The following EIF4B variants were observed in gnomAD, a reference collection of about 807,000 sequenced individuals.
EIF4B encodes eukaryotic translation initiation factor 4B.
In EIF4B, 8 loss-of-function variants were observed where a neutral mutation model predicts 79.3. The observed-to-expected ratio is 0.10, with a 90% confidence interval of 0.06 to 0.18. The LOEUF (loss-of-function observed/expected upper bound fraction) is 0.18. Among genes scored for constraint, EIF4B ranks in the 10% least tolerant of loss-of-function variants. The pLI, the probability that EIF4B is intolerant of heterozygous loss-of-function variation, is 1.00. For synonymous variants in EIF4B, 238 were observed against 274.7 expected, an observed-to-expected ratio of 0.87 and a Z score of 1.32; for missense variants, 515 against 792.4, an observed-to-expected ratio of 0.65 and a Z score of 4.20.
In EIF4B at chr12:53,022,516, C is replaced by A; in HGVS notation, c.556C>A (p.Arg186Ser). Residue 186 changes from arginine (R) to serine (S), a missense_variant, in exon 6 of 15, where the codon CGT becomes AGT. By Grantham distance (110) the Arg-to-Ser change is moderately radical. Around this residue, in one of 6 missense-constraint regions of EIF4B, gnomAD observed 187 missense variants for 256.5 expected, o/e 0.73. Coordinates refer to ENST00000262056, the MANE Select transcript of EIF4B (RefSeq NM_001417.7). ...AGACAGGGATGATCGTTCTTTTGGCCGTGATAGAAATCGGGATTCTGACAA... is the reference window on the plus strand; with the variant it reads ...AGACAGGGATGATCGTTCTTTTGGCAGTGATAGAAATCGGGATTCTGACAA... ...DKDRDDRSFG[R>S]DRNRDSDKTD... 6.2e-7 allele frequency: 1 copy of A among 1,612,976 alleles called. No individual in the cohort carries two copies. Among genetic ancestry groups the A allele is most frequent in the Non-Finnish European group, 8.5e-7 (1 of 1,179,842 alleles).
intron 1 of EIF4B, among the ~76,000 whole-genome samples, chr12:53,015,213 C>T (rs1943129489): frequency 6.6e-6 from 1 of 152,142 alleles, no homozygotes; most frequent in Admixed American, 6.6e-5. Context: ...GATAACCTGA[C>T]ATAGAATAAG....
Position 53,017,053 on chromosome 12 carries a change from G to T in EIF4B, c.151+443G>T, listed in dbSNP as rs779366413. Among the ~76,000 whole-genome samples, 4 of 152,142 alleles carry T rather than the reference G, an allele frequency of 2.6e-5. No individual in the cohort carries two copies. The South Asian group carries it at 8.3e-4, about 31-fold the overall frequency. On this transcript the variant is annotated intron_variant, in intron 2 of 14. Transcript: ENST00000262056. The stretch of plus-strand genomic sequence containing the variant: ...AGATCACATGAGATGAGAAGTTCAA[G>T]ACCAGCCTGGCCAACATGGTGAAAA...
At position 53,022,636 on chromosome 12, in the gene EIF4B, G is replaced by GT; in HGVS notation, c.667+14dup. The GT allele has an allele frequency of 6.2e-7, 1 of 1,612,576 alleles. No homozygotes were observed. The highest frequency in any genetic ancestry group is 8.5e-7 in the Non-Finnish European group (1 of 1,179,332). ...TGATAGCTTTGGAGACAGTAAGTTT[G>GT]TTTTTATGAAGTTAGCTTCCTCTGT... On this transcript the variant is annotated intron_variant, in intron 6 of 14. Transcript: ENST00000262056.
intron 1 of EIF4B, among the ~76,000 whole-genome samples, chr12:53,014,206 G>C (rs1478244481): frequency 1.3e-5 from 2 of 151,630 alleles, no homozygotes; most frequent in East Asian, 3.9e-4. Context: ...CTAATCACGA[G>C]GTCAGGAGAT....
Position 53,039,665 on chromosome 12 carries a change from C to T in EIF4B, c.1718C>T (p.Ala573Val). 2 of 1,613,808 alleles carry T rather than the reference C, an allele frequency of 1.2e-6. No homozygotes were observed. Among genetic ancestry groups the T allele is most frequent in the Non-Finnish European group, 1.7e-6 (2 of 1,179,818 alleles). The change falls in exon 14 of 15, where the codon GCA becomes GTA. Residue 573 changes from alanine (A) to valine (V), a missense_variant. Coordinates refer to ENST00000262056, the MANE Select transcript of EIF4B (RefSeq NM_001417.7). Reference sequence around the variant, plus strand: ...AAAAAGGATCAAGACTCCAGATCTGCACCTGAGCCAAAGAAACCTGAGGAA... The same window carrying T: ...AAAAAGGATCAAGACTCCAGATCTGTACCTGAGCCAAAGAAACCTGAGGAA... Reference protein sequence around the residue: ...DGKKDQDSRSAPEPKKPEENP... With the variant: ...DGKKDQDSRSVPEPKKPEENP...
chr12:53,014,330 T>C (rs1943114118), intron 1 of EIF4B, among the ~76,000 whole-genome samples: 2 of 151,736 alleles, frequency 1.3e-5, no homozygotes, highest in Admixed American at 1.3e-4. Context: ...GAGAAATTGC[T>C]TGAACCTGGG....
chr12:53,014,145 AAGC>A (rs939425359), intron 1 of EIF4B, among the ~76,000 whole-genome samples: 2 of 151,796 alleles, frequency 1.3e-5, no homozygotes, highest in African/African-American at 4.8e-5. Context: ...AAAAAAGAAA[AAGC>A]AGGCCGGGCG....
chr12:53,023,843 A>G (rs1201743551), intron 6 of EIF4B, among the ~76,000 whole-genome samples: 1 of 151,992 alleles, frequency 6.6e-6, no homozygotes, highest in Non-Finnish European at 1.5e-5. Context: ...TCAGCCTCCC[A>G]AAGTGCTGGG....
chr12:53,022,915 A>G (rs10876396), intron 6 of EIF4B, among the ~76,000 whole-genome samples: 29,110 of 152,082 alleles, frequency 0.19, 4,203 homozygotes, highest in East Asian at 0.53. Flanking sequence ...TATAATCCCA[A>G]CGCTTTGGGA....
chr12:53,030,410 A>ATTATTTTTTTTTTTTTTTTTTT (rs1555153412), intron 8 of EIF4B, among the ~76,000 whole-genome samples: 1 of 34,256 alleles, frequency 2.9e-5, no homozygotes, highest in Non-Finnish European at 9.3e-5. Flanking sequence ...AAAAAATTAT[A>ATTATTTTTTTTTTTTTTTTTTT]TTCTTTTTTT....
chr12:53,019,443 T>TTC lies in EIF4B; in HGVS notation c.360+438_360+439insCT, dbSNP rs1943207265. Among the ~76,000 whole-genome samples, 131 of 94,368 alleles carry TTC rather than the reference T, an allele frequency of 1.4e-3. 1 individual carries two copies. Among genetic ancestry groups the TTC allele is most frequent in the Non-Finnish European group, 2.3e-3 (108 of 47,524 alleles). The allele number at this position is 94,368 out of a possible 152,430, so 61.9% of individuals were successfully genotyped here. A position where few individuals can be genotyped will look rare whatever the true frequency, so the allele number is the denominator to read the frequency against. ...CAAAATTATATATATATATATTTTT[T>TTC]TTTTTTCTTTTTTTTTTTTTTTTTT... On this transcript the variant is annotated intron_variant, in intron 3 of 14. Coordinates refer to ENST00000262056, the MANE Select transcript of EIF4B (RefSeq NM_001417.7).
At chr12:53,031,578 C>T (rs1409049886) in intron 8 of EIF4B, among the ~76,000 whole-genome samples, 2 of 152,140 alleles carry the variant, frequency 1.3e-5, no homozygotes, top group Admixed American at 1.3e-4. Flanking sequence ...TGCCCGGCTG[C>T]GTTCTTTTAT....
chr12:53,014,296 C>T (rs1943113737), intron 1 of EIF4B, among the ~76,000 whole-genome samples: 1 of 151,666 alleles, frequency 6.6e-6, no homozygotes, highest in Admixed American at 6.6e-5. Context: ...CCTGTAGTCC[C>T]AGCCACTTGG....
chr12:53,036,391 C>T (rs1242339353), intron 10 of EIF4B, among the ~76,000 whole-genome samples: 2 of 152,036 alleles, frequency 1.3e-5, no homozygotes, highest in Admixed American at 6.5e-5. Flanking sequence ...GGATTACGGG[C>T]GTGAGCCGCC....
At chr12:53,025,839 G>A (rs914554125) in intron 6 of EIF4B, among the ~76,000 whole-genome samples, 1 of 152,138 alleles carries the variant, frequency 6.6e-6, no homozygotes, top group African/African-American at 2.4e-5. Context: ...CGGGCATGGT[G>A]GCTCACGCCT....
chr12:53,040,099 T>C (rs1376639641), intron 14 of EIF4B, 44 bp from the exon 15 acceptor site: 1 of 1,609,596 alleles, frequency 6.2e-7, no homozygotes, highest in Non-Finnish European at 8.5e-7. Flanking sequence ...TTTGATGTGA[T>C]AATTCAGGGC....
chr12:53,009,578 C>A (rs369523784), intron 1 of EIF4B, among the ~76,000 whole-genome samples: 8 of 152,114 alleles, frequency 5.3e-5, no homozygotes, highest in South Asian at 2.1e-4. Context: ...CATAATGCTT[C>A]AAAATGCAGT....
intron 6 of EIF4B, among the ~76,000 whole-genome samples, chr12:53,024,199 T>C (rs142678820): frequency 0.013 from 1,953 of 152,302 alleles, 19 homozygotes; most frequent in Middle Eastern, 0.041. Flanking sequence ...GGGAAAATTA[T>C]GCAACTTTAT....
At chr12:53,039,539 C>T in intron 13 of EIF4B, 91 bp from the exon 14 acceptor site, 1 of 1,453,950 alleles carries the variant, frequency 6.9e-7, no homozygotes, top group Non-Finnish European at 9.5e-7. Context: ...CTAGAGGTGC[C>T]TGTTCAGTGC....
Sources: gnomAD v4.1 joint callset for allele counts (sites outside exome capture counted in the v4.1 genomes callset) on GRCh38, gnomAD v4.1.1 for gene constraint, gnomAD v4.1.1 regional missense constraint, MANE v1.5 for transcripts, NCBI Gene and HGNC (gene_info 2026-07-23, HGNC 2026-07-21) for gene names.